The following SNPH variants were observed in gnomAD, a reference collection of about 807,000 sequenced individuals.
SNPH encodes syntaphilin.
Under a neutral mutation model 36.8 loss-of-function variants are expected in SNPH, and 10 were observed. The ratio of observed to expected loss-of-function variants is 0.27; its 90% CI spans 0.17 to 0.46. The LOEUF (loss-of-function observed/expected upper bound fraction) is 0.46. SNPH is among the 20% of genes least tolerant of loss of function. SNPH has a pLI of 1.00. For synonymous variants in SNPH, 281 were observed against 312.2 expected, an observed-to-expected ratio of 0.90 and a Z score of 1.05; for missense variants, 622 against 744.0, an observed-to-expected ratio of 0.84 and a Z score of 1.91.
At chr20:1,277,147 C>G (rs2122260122) in intron 2 of SNPH, among the ~76,000 whole-genome samples, 1 of 152,266 alleles carries the variant, frequency 6.6e-6, no homozygotes, top group Middle Eastern at 3.4e-3. Context: ...TTGGGGAAGG[C>G]TATACCACGG....
intron 2 of SNPH, among the ~76,000 whole-genome samples, chr20:1,279,748 G>T (rs1294647489): frequency 6.6e-6 from 1 of 151,680 alleles, no homozygotes; most frequent in Non-Finnish European, 1.5e-5. Flanking sequence ...TGCAAACAGG[G>T]AGCCTAAGTC....
chr20:1,277,705 T>A lies in SNPH; in HGVS notation c.-493+10945T>A, dbSNP rs984238604. Reference sequence around the variant, plus strand: ...CCATGTGTGTGCCTGTGTGTCTGTCTGTGCCTGTGTGTCTGTGTGTGTATC... The same window carrying A: ...CCATGTGTGTGCCTGTGTGTCTGTCAGTGCCTGTGTGTCTGTGTGTGTATC... On this transcript the variant is annotated intron_variant, in intron 2 of 6. Transcript: ENST00000381867. Among the ~76,000 whole-genome samples, 7 of 150,250 alleles carry A rather than the reference T, an allele frequency of 4.7e-5. No homozygotes were observed. In the East Asian group the frequency reaches 1.4e-3, roughly 30 times the overall value.
intron 6 of SNPH, 29 bp downstream of exon 6, chr20:1,300,740 G>GGAGT: frequency 6.3e-7 from 1 of 1,592,186 alleles, no homozygotes. Context: ...GCAGCCCTGG[G>GGAGT]GGTACCCCAC....
At position 1,305,765 on chromosome 20, in the gene SNPH, G is replaced by A. The variant is rs2088567350; in HGVS notation, c.1328G>A (p.Ser443Asn). ...AACCCCAACCCTGGCCAGTCGGTGA[G>A]CGTGGTGTGCCCCATGGAAGAGGAG... ...GANPNPGQSV[S>N]VVCPMEEEEE... is the part of the protein sequence containing the mutation. The change falls in exon 7 of 7, where the codon AGC (serine) becomes AAC (asparagine). Residue 443 changes from serine to asparagine, a missense_variant. By Grantham distance (46) the Ser-to-Asn change is conservative (BLOSUM62 1). Around this residue, in one of 3 missense-constraint regions of SNPH, gnomAD observed 379 missense variants for 427.9 expected, o/e 0.89. Coordinates refer to ENST00000381867, the MANE Select transcript of SNPH (RefSeq NM_001318234.2). The A allele has an allele frequency of 1.2e-6, 2 of 1,610,582 alleles. No individual in the cohort carries two copies. Among genetic ancestry groups the A allele is most frequent in the African/African-American group, 1.3e-5 (1 of 74,914 alleles).
rs1457135090 is a variant in SNPH, at chr20:1,276,544, G to A, written c.-493+9784G>A. On this transcript the variant is annotated intron_variant, in intron 2 of 6. Coordinates refer to ENST00000381867, the MANE Select transcript of SNPH (RefSeq NM_001318234.2). The surrounding 1 kb of genome is among the most constrained non-coding windows in gnomAD (Gnocchi z 4.6). ...AAATGGGCATCATAATCATAACGTA[G>A]GCCTCCTGACAGCAAAGCTGGCATG... is the stretch of plus-strand genomic sequence containing the variant. Among the ~76,000 whole-genome samples the A allele has an allele frequency of 6.6e-6, 1 of 152,106 alleles. No homozygotes were observed. Among genetic ancestry groups the A allele is most frequent in the Non-Finnish European group, 1.5e-5 (1 of 68,008 alleles).
At chr20:1,283,916 C>T (rs945613045) in intron 2 of SNPH, among the ~76,000 whole-genome samples, 16 of 152,236 alleles carry the variant, frequency 1.1e-4, no homozygotes, top group Non-Finnish European at 1.9e-4. Context: ...AAGGCTCTGT[C>T]CAGCTACCTT....
At chr20:1,278,036 GTA>G (rs2088168819) in intron 2 of SNPH, among the ~76,000 whole-genome samples, 1 of 124,346 alleles carries the variant, frequency 8.0e-6, no homozygotes, top group African/African-American at 3.2e-5. Flanking sequence ...GTGTGTCTGT[GTA>G]TGTGTGCCTG....
At position 1,266,712 on chromosome 20, in the gene SNPH, G is replaced by A; in HGVS notation, c.-541G>A. 7.0e-7 allele frequency: 1 copy of A among 1,427,634 alleles called. No individual in the cohort carries two copies. Among genetic ancestry groups the A allele is most frequent in the South Asian group, 1.5e-5 (1 of 65,362 alleles). 88.4% of individuals were successfully genotyped at this position (1,427,634 alleles called of 1,614,324 possible). On this transcript the variant is annotated 5_prime_UTR_variant, in exon 2 of 7. Transcript: ENST00000381867. This position sits in a 1 kb window ranked among gnomAD's most constrained non-coding sequence, Gnocchi z 6.0. The stretch of plus-strand genomic sequence containing the variant: ...ACTGCAGAGGCGCTGCGCCAAGCCG[G>A]GCCGGAGTGGTGCGAGCCGGCGGGG...
At chr20:1,267,830 C>T (rs1283920220) in intron 2 of SNPH, among the ~76,000 whole-genome samples, 2 of 152,246 alleles carry the variant, frequency 1.3e-5, no homozygotes, top group Non-Finnish European at 2.9e-5. Flanking sequence ...CCTATGTTGA[C>T]ATCCCTGAGC....
rs1388705473 is a variant in SNPH, at chr20:1,285,048, C to T, written c.-492-9903C>T. 6.6e-6 allele frequency among the ~76,000 whole-genome samples: 1 copy of T among 152,102 alleles called. No homozygotes were observed. Among genetic ancestry groups the T allele is most frequent in the Non-Finnish European group, 1.5e-5 (1 of 68,026 alleles). Reference sequence around the variant, plus strand: ...GGTGTCAGATTCTGTGACTGTGTCGCCTCAGTTTCCTTATCTGTAAAATGC... The same window carrying T: ...GGTGTCAGATTCTGTGACTGTGTCGTCTCAGTTTCCTTATCTGTAAAATGC... On this transcript the variant is annotated intron_variant, in intron 2 of 6. Coordinates refer to ENST00000381867, the MANE Select transcript of SNPH (RefSeq NM_001318234.2). This position sits in a 1 kb window ranked among gnomAD's most constrained non-coding sequence, Gnocchi z 4.9.
At chr20:1,275,615 C>T (rs1218803925) in intron 2 of SNPH, among the ~76,000 whole-genome samples, 1 of 152,104 alleles carries the variant, frequency 6.6e-6, no homozygotes, top group Non-Finnish European at 1.5e-5. Context: ...CCAAACTCTC[C>T]CTGCCCCTCA....
chr20:1,300,550 G>A lies in SNPH; in HGVS notation c.291-12G>A, dbSNP rs561912990. 246 of 1,613,752 alleles carry A rather than the reference G, an allele frequency of 1.5e-4. 3 individuals carry two copies. In the South Asian group the frequency reaches 2.5e-3, roughly 16 times the overall value. ...TCTTCCTCCCTCCCTGATGATGGGC[G>A]TCCCCTTGCAGGCGCTCCATGAAAT... On this transcript the variant is annotated splice_polypyrimidine_tract_variant and intron_variant, in intron 5 of 6. Transcript: ENST00000381867.
At position 1,307,913 on chromosome 20, in the gene SNPH, ACCAAT is replaced by A. The variant is rs2088601928; in HGVS notation, c.*1864_*1868del. The A allele has an allele frequency of 6.5e-6, 1 of 152,706 alleles. No homozygotes were observed. Among genetic ancestry groups the A allele is most frequent in the East Asian group, 1.9e-4 (1 of 5,178 alleles). 9.5% of individuals were successfully genotyped at this position (152,706 alleles called of 1,614,324 possible). A position where few individuals can be genotyped will look rare whatever the true frequency, so the allele number is the denominator to read the frequency against. On this transcript the variant is annotated 3_prime_UTR_variant, in exon 7 of 7. Coordinates refer to ENST00000381867, the MANE Select transcript of SNPH (RefSeq NM_001318234.2). Reference sequence around the variant, plus strand: ...TGCCACGGAGGGGGCAGTGGACAAAACCAATCCAAAGCCAAGCCGGGACTGGCTGC... The same window carrying A: ...TGCCACGGAGGGGGCAGTGGACAAAACCAAAGCCAAGCCGGGACTGGCTGC...
At chr20:1,272,877 G>A (rs969774172) in intron 2 of SNPH, among the ~76,000 whole-genome samples, 3 of 152,218 alleles carry the variant, frequency 2.0e-5, no homozygotes, top group Admixed American at 6.5e-5. Context: ...GAGTCTCTGG[G>A]GACTGAGGCC....
chr20:1,273,635 C>T (rs1342427305), intron 2 of SNPH, among the ~76,000 whole-genome samples: 1 of 152,130 alleles, frequency 6.6e-6, no homozygotes, highest in African/African-American at 2.4e-5. Flanking sequence ...TGCTAGCCCT[C>T]ATAGCACCTG....
intron 2 of SNPH, among the ~76,000 whole-genome samples, chr20:1,278,904 C>T (rs549038807): frequency 6.6e-6 from 1 of 152,170 alleles, no homozygotes; most frequent in Non-Finnish European, 1.5e-5. Flanking sequence ...AGGCTGGTCT[C>T]GAACTCATAT....
chr20:1,284,018 G>A (rs6033309), intron 2 of SNPH, among the ~76,000 whole-genome samples: 122,840 of 152,186 alleles, frequency 0.81, 50,149 homozygotes, highest in African/African-American at 0.87. Flanking sequence ...TGTCATGGCA[G>A]TGATTAACCT....
At position 1,307,193 on chromosome 20, in the gene SNPH, G is replaced by A. The variant is rs970280412; in HGVS notation, c.*1139G>A. Reference sequence around the variant, plus strand: ...TTAAACCTCTCTGCCTCTGGAGGAGGGTGGGGTATTCTGGCAGGATGAATC... The same window carrying A: ...TTAAACCTCTCTGCCTCTGGAGGAGAGTGGGGTATTCTGGCAGGATGAATC... On this transcript the variant is annotated 3_prime_UTR_variant, in exon 7 of 7. Transcript: ENST00000381867. The A allele has an allele frequency of 1.4e-4, 21 of 152,700 alleles. No individual in the cohort carries two copies. Among genetic ancestry groups the A allele is most frequent in the Admixed American group, 7.8e-4 (12 of 15,312 alleles). 9.5% of individuals were successfully genotyped at this position (152,700 alleles called of 1,614,324 possible).
At chr20:1,293,108 G>A (rs1372119730) in intron 2 of SNPH, among the ~76,000 whole-genome samples, 2 of 152,260 alleles carry the variant, frequency 1.3e-5, no homozygotes, top group African/African-American at 4.8e-5. Context: ...TATGGGCAGT[G>A]AGGCTCAGAG....
Sources: gnomAD v4.1 joint callset for allele counts (sites outside exome capture counted in the v4.1 genomes callset) on GRCh38, gnomAD v4.1.1 for gene constraint, gnomAD v4.1.1 regional missense constraint, Gnocchi (gnomAD v3.1) non-coding constraint, MANE v1.5 for transcripts, NCBI Gene and HGNC (gene_info 2026-07-23, HGNC 2026-07-21) for gene names.